Variants in AFF3 observed in about 807,000 individuals in gnomAD.
The protein encoded by AFF3 is AF4/FMR2 family member 3.
Under a neutral mutation model 129.7 loss-of-function variants are expected in AFF3, and 32 were observed. The ratio of observed to expected loss-of-function variants is 0.25; its 90% CI spans 0.19 to 0.33. AFF3 has a LOEUF of 0.33. AFF3 is among the 10% of genes least tolerant of loss of function. The pLI, the probability that AFF3 is intolerant of heterozygous loss-of-function variation, is 1.00. For synonymous variants in AFF3, 644 were observed against 635.4 expected (o/e 1.01, Z -0.20); for missense variants, 1,373 against 1,592.0 (o/e 0.86, Z 2.34).
At chr2:100,083,378 T>C (rs1689168883) in intron 4 of AFF3, among the ~76,000 whole-genome samples, 1 of 152,282 alleles carries the variant, frequency 6.6e-6, no homozygotes, top group South Asian at 2.1e-4. Context: ...TTCCAAACCA[T>C]GGCCTGCATT....
At chr2:99,851,892 G>GC (rs900508688) in intron 7 of AFF3, among the ~76,000 whole-genome samples, 1 of 151,996 alleles carries the variant, frequency 6.6e-6, no homozygotes, top group Non-Finnish European at 1.5e-5. Flanking sequence ...CAATATTAAC[G>GC]TTTTTTTCCC....
intron 4 of AFF3, among the ~76,000 whole-genome samples, chr2:100,083,542 A>G (rs1689186880): frequency 6.6e-6 from 1 of 152,152 alleles, no homozygotes; most frequent in South Asian, 2.1e-4. Context: ...TTGCTGCTAG[A>G]AACACTCACA....
intron 8 of AFF3, among the ~76,000 whole-genome samples, chr2:99,782,747 C>CA (rs1364821069): frequency 6.6e-6 from 1 of 152,232 alleles, no homozygotes; most frequent in Non-Finnish European, 1.5e-5. Flanking sequence ...ATGGCAAACT[C>CA]AGAGACAAGA....
intron 7 of AFF3, among the ~76,000 whole-genome samples, chr2:99,940,964 C>T (rs780173374): frequency 3.3e-4 from 50 of 152,200 alleles, no homozygotes; most frequent in South Asian, 1.2e-3. Flanking sequence ...CCACCCGCTC[C>T]CGGCTCCCAC....
At chr2:99,562,093 T>C (rs936889824) in intron 20 of AFF3, among the ~76,000 whole-genome samples, 1 of 152,214 alleles carries the variant, frequency 6.6e-6, no homozygotes, top group African/African-American at 2.4e-5. Flanking sequence ...TTTCAGGATA[T>C]TTGGCCTTTA....
intron 7 of AFF3, among the ~76,000 whole-genome samples, chr2:99,927,817 G>T (rs1314990684): frequency 6.6e-6 from 1 of 152,150 alleles, no homozygotes; most frequent in Non-Finnish European, 1.5e-5. Flanking sequence ...AGAGCACGTG[G>T]GAGACTGATA....
At chr2:99,586,310 G>A (rs549836056) in intron 16 of AFF3, among the ~76,000 whole-genome samples, 54 of 152,280 alleles carry the variant, frequency 3.5e-4, no homozygotes, top group African/African-American at 1.3e-3. Flanking sequence ...AGGAGCCCTC[G>A]CCTTTCAAGG....
intron 7 of AFF3, among the ~76,000 whole-genome samples, chr2:99,851,561 G>A (rs1004345046): frequency 6.6e-5 from 10 of 152,206 alleles, no homozygotes; most frequent in Admixed American, 6.5e-4. Context: ...AGGCTCAGAG[G>A]TGGGAAACAT....
intron 15 of AFF3, among the ~76,000 whole-genome samples, chr2:99,588,203 G>A (rs1379231741): frequency 6.6e-6 from 1 of 152,050 alleles, no homozygotes; most frequent in East Asian, 1.9e-4. Flanking sequence ...TTTAGAGACA[G>A]TCTTGCTCTG....
At chr2:100,045,570 T>TG (rs1307428573) in intron 4 of AFF3, among the ~76,000 whole-genome samples, 4 of 152,004 alleles carry the variant, frequency 2.6e-5, no homozygotes, top group East Asian at 1.9e-4. Flanking sequence ...TTGTAGGTTT[T>TG]TTTTTTTTTT....
intron 7 of AFF3, among the ~76,000 whole-genome samples, chr2:99,856,162 TA>T (rs1191829065): frequency 6.6e-6 from 1 of 152,166 alleles, no homozygotes; most frequent in Non-Finnish European, 1.5e-5. Flanking sequence ...AGACATTAAG[TA>T]AAAACTAAGC....
chr2:100,054,403 T>C (rs144773706), intron 4 of AFF3, among the ~76,000 whole-genome samples: 259 of 152,316 alleles, frequency 1.7e-3, no homozygotes, highest in African/African-American at 5.0e-3. Flanking sequence ...CCCCAGACAA[T>C]TGGCTGAAAG....
intron 13 of AFF3, chr2:99,631,000 C>T (rs1005337262): frequency 1.1e-5 from 5 of 461,542 alleles, no homozygotes; most frequent in Admixed American, 2.4e-5. Context: ...CAGAAGGAAG[C>T]AGCTACCAGC....
intron 18 of AFF3, among the ~76,000 whole-genome samples, chr2:99,573,102 T>G (rs1676657614): frequency 6.6e-6 from 1 of 152,210 alleles, no homozygotes; most frequent in African/African-American, 2.4e-5. Flanking sequence ...AATGGGAAAT[T>G]ATCAATCTGA....
chr2:100,016,240 G>A (rs1437700467), intron 4 of AFF3, among the ~76,000 whole-genome samples: 1 of 151,710 alleles, frequency 6.6e-6, no homozygotes, highest in Non-Finnish European at 1.5e-5. Flanking sequence ...GATGGTGGTG[G>A]GGGTGATGGC....
intron 4 of AFF3, among the ~76,000 whole-genome samples, chr2:100,051,289 G>C (rs757638456): frequency 6.6e-5 from 10 of 152,150 alleles, no homozygotes; most frequent in African/African-American, 2.4e-4. Context: ...TTTTGAAAGA[G>C]AGCTGGAGAA....
At chr2:99,634,116 T>C (rs1307515787) in intron 13 of AFF3, among the ~76,000 whole-genome samples, 6 of 152,120 alleles carry the variant, frequency 3.9e-5, no homozygotes, top group Non-Finnish European at 8.8e-5. Flanking sequence ...GGTTTCACCA[T>C]GTTGGCCAGG....
intron 1 of AFF3, among the ~76,000 whole-genome samples, chr2:100,139,452 G>A (rs1692773990): frequency 2.0e-5 from 3 of 152,286 alleles, no homozygotes; most frequent in Admixed American, 1.3e-4. Context: ...AGGCTATAGG[G>A]GAGGAACAGC....
intron 7 of AFF3, among the ~76,000 whole-genome samples, chr2:99,941,247 A>G (rs573419578): frequency 1.2e-4 from 19 of 152,136 alleles, no homozygotes; most frequent in Admixed American, 2.6e-4. Context: ...AAAAGAAAAC[A>G]ACGATCTCAG....
Sources: gnomAD v4.1 joint callset for allele counts (sites outside exome capture counted in the v4.1 genomes callset) on GRCh38, gnomAD v4.1.1 for gene constraint, MANE v1.5 for transcripts, NCBI Gene and HGNC (gene_info 2026-07-23, HGNC 2026-07-21) for gene names.